RP1: variants seen among roughly 807,000 people sequenced by gnomAD.
The protein encoded by RP1 is RP1 axonemal microtubule associated, also known as oxygen-regulated protein 1.
RP1 carries 16 observed loss-of-function variants against 14.8 expected under a neutral mutation model. The ratio of observed to expected loss-of-function variants is 1.08; its 90% CI spans 0.73 to 1.65. RP1 has a LOEUF of 1.65. Ranked by LOEUF, RP1 falls within the 40% of genes most tolerant of loss-of-function variation. RP1 has a pLI of 0.00. For missense variants in RP1, 2,631 were observed against 2,535.0 expected, an observed-to-expected ratio of 1.04 and a Z score of -0.81; for synonymous variants, 876 against 883.6, an observed-to-expected ratio of 0.99 and a Z score of 0.15.
At chr8:54,802,405 T>C (rs1039446908) in intron 24 of RP1, among the ~76,000 whole-genome samples, 1 of 152,162 alleles carries the variant, frequency 6.6e-6, no homozygotes, top group African/African-American at 2.4e-5. Flanking sequence ...ATGTTAAGCA[T>C]TTGAGAATAT....
chr8:54,853,256 C>A, intron 26 of RP1, among the ~76,000 whole-genome samples: 1 of 152,026 alleles, frequency 6.6e-6, no homozygotes, highest in South Asian at 2.1e-4. Flanking sequence ...TGAAAAGTGG[C>A]GATAGTGTGA....
rs192792065 is a variant in RP1, at chr8:54,602,258, T to C, written c.-12-18697T>C. Reference sequence around the variant, plus strand: ...GTGTCCATGTGTTCTCATTGTTCAATTACCACCTATGAGTGAGAACATGCG... The same window carrying C: ...GTGTCCATGTGTTCTCATTGTTCAACTACCACCTATGAGTGAGAACATGCG... On this transcript the variant is annotated intron_variant, in intron 1 of 22. Transcript: ENST00000636932. Among the ~76,000 whole-genome samples the C allele has an allele frequency of 2.0e-3, 301 of 152,296 alleles. 3 individuals carry two copies. Among genetic ancestry groups the C allele is most frequent in the African/African-American group, 6.8e-3 (283 of 41,578 alleles).
At chr8:54,867,542 C>T (rs944943576) in intron 28 of RP1, among the ~76,000 whole-genome samples, 1 of 152,112 alleles carries the variant, frequency 6.6e-6, no homozygotes, top group African/African-American at 2.4e-5. Flanking sequence ...GTAATGACAC[C>T]TATTTTGCAG....
chr8:54,572,603 G>A (rs749781785), intron 1 of RP1, among the ~76,000 whole-genome samples: 1 of 152,186 alleles, frequency 6.6e-6, no homozygotes. Context: ...GGATATACAA[G>A]TATGAAAAGA....
intron 15 of RP1, among the ~76,000 whole-genome samples, chr8:54,717,085 A>G (rs1180994049): frequency 1.3e-5 from 2 of 151,940 alleles, no homozygotes; most frequent in Non-Finnish European, 1.5e-5. Context: ...TATGGTATCT[A>G]CCTTTTCAGT....
intron 24 of RP1, among the ~76,000 whole-genome samples, chr8:54,796,689 C>T (rs1810583357): frequency 6.6e-6 from 1 of 152,096 alleles, no homozygotes; most frequent in African/African-American, 2.4e-5. Flanking sequence ...AGGAAGGATT[C>T]CACCCAGAGT....
chr8:54,660,081 T>G (rs1806852933), intron 6 of RP1, among the ~76,000 whole-genome samples: 1 of 152,154 alleles, frequency 6.6e-6, no homozygotes, highest in Non-Finnish European at 1.5e-5. Flanking sequence ...ACAATTTTTT[T>G]TGTGTGGAGG....
At chr8:54,789,959 T>A (rs1456379766) in intron 24 of RP1, among the ~76,000 whole-genome samples, 1 of 152,146 alleles carries the variant, frequency 6.6e-6, no homozygotes, top group South Asian at 2.1e-4. Context: ...AGACCAGCCA[T>A]GAGCACTGTC....
intron 3 of RP1, among the ~76,000 whole-genome samples, chr8:54,642,315 A>T (rs1258019332): frequency 1.3e-5 from 2 of 152,102 alleles, no homozygotes; most frequent in Non-Finnish European, 2.9e-5. Flanking sequence ...TACATACTTA[A>T]CCAATTTAAA....
Position 54,628,913 on chromosome 8 carries a change from G to A in RP1, c.5031G>A (p.Gly1677=), listed in dbSNP as rs1011366833. ...AAGCAAGTCTTTATGATTCTGAAGG[G>A]CAGTCATTTGGCTCTTCTGAACAGG... ...SRKASLYDSE[G]QSFGSSEQVS... The change falls in exon 4 of 4, where the codon GGG becomes GGA. Residue 1677 remains glycine (G), a synonymous_variant. Coordinates refer to ENST00000220676, the MANE Select transcript of RP1 (RefSeq NM_006269.2). 4 of 1,613,858 alleles carry A rather than the reference G, an allele frequency of 2.5e-6. No homozygotes were observed. The highest frequency in any genetic ancestry group is 1.3e-5 in the African/African-American group (1 of 74,862).
intron 1 of RP1, among the ~76,000 whole-genome samples, chr8:54,570,610 G>C (rs993263896): frequency 6.6e-6 from 1 of 150,878 alleles, no homozygotes; most frequent in Non-Finnish European, 1.5e-5. Context: ...TTACAGGTGT[G>C]AGCCACCGCA....
chr8:54,726,800 A>T (rs1808666256), intron 17 of RP1, among the ~76,000 whole-genome samples: 1 of 152,044 alleles, frequency 6.6e-6, no homozygotes, highest in Admixed American at 6.6e-5. Flanking sequence ...AAAACAGTAA[A>T]TTCTCACTAA....
At chr8:54,846,072 T>C (rs552839172) in intron 25 of RP1, among the ~76,000 whole-genome samples, 3 of 152,338 alleles carry the variant, frequency 2.0e-5, no homozygotes, top group African/African-American at 7.2e-5. Context: ...GTTTTCACTT[T>C]ACCTTGTGTA....
intron 24 of RP1, among the ~76,000 whole-genome samples, chr8:54,832,209 A>G (rs934216279): frequency 1.3e-5 from 2 of 151,768 alleles, no homozygotes; most frequent in African/African-American, 4.8e-5. Context: ...AAAAATTTCA[A>G]TAAATATTTA....
At chr8:54,803,940 C>T (rs994658133) in intron 24 of RP1, among the ~76,000 whole-genome samples, 1 of 151,982 alleles carries the variant, frequency 6.6e-6, no homozygotes, top group East Asian at 1.9e-4. Flanking sequence ...TGGTGGCACA[C>T]ACCTGTAATC....
At chr8:54,621,624 C>T in intron 2 of RP1, 43 bp downstream of exon 2, 1 of 1,612,926 alleles carries the variant, frequency 6.2e-7, no homozygotes, top group Non-Finnish European at 8.5e-7. Context: ...TCATTTTGAG[C>T]ACCCTACTAA....
At chr8:54,805,476 C>G (rs1253168339) in intron 24 of RP1, among the ~76,000 whole-genome samples, 1 of 152,136 alleles carries the variant, frequency 6.6e-6, no homozygotes, top group Non-Finnish European at 1.5e-5. Flanking sequence ...TAAACAGTGG[C>G]ATATTTCACA....
intron 15 of RP1, among the ~76,000 whole-genome samples, chr8:54,714,743 C>T (rs1051769198): frequency 3.3e-5 from 5 of 152,204 alleles, no homozygotes; most frequent in South Asian, 2.1e-4. Context: ...GTTGCAATTC[C>T]TCCATCTTCA....
chr8:54,813,187 A>T (rs1811051925), intron 24 of RP1, among the ~76,000 whole-genome samples: 1 of 152,226 alleles, frequency 6.6e-6, no homozygotes, highest in African/African-American at 2.4e-5. Context: ...AGCCAATCAA[A>T]TCAACATCTA....
Sources: allele counts gnomAD v4.1 joint callset (sites outside exome capture counted in the v4.1 genomes callset), GRCh38; gene constraint gnomAD v4.1.1; transcripts MANE v1.5; gene names NCBI Gene and HGNC (gene_info 2026-07-23, HGNC 2026-07-21).